CPSF3: variants seen among roughly 807,000 people sequenced by gnomAD.
CPSF3 encodes the protein cleavage and polyadenylation specificity factor subunit 3.
In CPSF3, 57 loss-of-function variants were observed where a neutral mutation model predicts 84.1. The ratio of observed to expected loss-of-function variants is 0.68; its 90% CI spans 0.55 to 0.85. The LOEUF is 0.85. Ranked by LOEUF, CPSF3 falls within the 40% of genes least tolerant of loss-of-function variation. The pLI is 0.00. For missense variants in CPSF3, 522 were observed against 838.8 expected (o/e 0.62, Z 4.66); for synonymous variants, 275 against 278.1 (o/e 0.99, Z 0.11).
chr2:9,446,438 G>A (rs898342591), intron 10 of CPSF3, among the ~76,000 whole-genome samples: 3 of 152,046 alleles, frequency 2.0e-5, no homozygotes, highest in Admixed American at 6.6e-5. Flanking sequence ...AAAATTAGAC[G>A]GGTGTGGTGG....
In CPSF3 at chr2:9,455,693, G is replaced by T; in HGVS notation, c.1539G>T (p.Gln513His). 6.2e-7 allele frequency: 1 copy of T among 1,614,128 alleles called. No individual in the cohort carries two copies. The highest frequency in any genetic ancestry group is 1.1e-5 in the South Asian group (1 of 91,062). Reference protein sequence around the residue: ...YTDLAMSTVKQTQAIPYTGPF... With the variant: ...YTDLAMSTVKHTQAIPYTGPF... ...ACCTGGCCATGAGCACGGTGAAGCA[G>T]ACCCAAGCCATTCCATATACTGGTC... is the stretch of plus-strand genomic sequence containing the variant. Residue 513 changes from glutamine to histidine, a missense_variant, in exon 13 of 18, where the codon CAG becomes CAT. Physicochemically the swap from Gln to His is conservative, Grantham distance 24. Transcript: ENST00000238112.
At chr2:9,427,344 A>G (rs1680429770) in intron 1 of CPSF3, among the ~76,000 whole-genome samples, 1 of 152,212 alleles carries the variant, frequency 6.6e-6, no homozygotes. Context: ...AAATTTACAA[A>G]TGGACTGTTT....
At chr2:9,453,539 C>T (rs1681405704) in intron 12 of CPSF3, among the ~76,000 whole-genome samples, 1 of 152,140 alleles carries the variant, frequency 6.6e-6, no homozygotes, top group South Asian at 2.1e-4. Context: ...ATAAGTAACA[C>T]CAACTATATA....
At chr2:9,425,305 C>A (rs1367056553) in intron 1 of CPSF3, among the ~76,000 whole-genome samples, 1 of 152,162 alleles carries the variant, frequency 6.6e-6, no homozygotes, top group African/African-American at 2.4e-5. Context: ...GGAGTTTGGA[C>A]CTTTATCAAG....
rs368651658 is a variant in CPSF3, at chr2:9,443,706, G to T, written c.1242+45G>T. On this transcript the variant is annotated intron_variant, in intron 10 of 17. Transcript: ENST00000238112. ...TTATTGTATTAAAGGGAAAAAAAGT[G>T]CATACCCAGGAAACTGTGCAGCAGG... The T allele has an allele frequency of 3.2e-5, 51 of 1,599,106 alleles. No individual in the cohort carries two copies. In the African/African-American group the frequency reaches 6.7e-4, roughly 21 times the overall value.
At chr2:9,434,877 TCTC>T (rs1272577221) in intron 6 of CPSF3, among the ~76,000 whole-genome samples, 1 of 152,158 alleles carries the variant, frequency 6.6e-6, no homozygotes, top group East Asian at 1.9e-4. Context: ...GTTGTCTGTT[TCTC>T]CTCCACCACC....
At chr2:9,444,513 A>G (rs1201735235) in intron 10 of CPSF3, among the ~76,000 whole-genome samples, 1 of 152,140 alleles carries the variant, frequency 6.6e-6, no homozygotes, top group Non-Finnish European at 1.5e-5. Context: ...TAAGCTGAAA[A>G]AAGTGTGTAT....
intron 12 of CPSF3, 90 bp from the exon 13 acceptor site, chr2:9,455,569 T>C: frequency 1.1e-6 from 1 of 911,224 alleles, no homozygotes; most frequent in South Asian, 1.5e-5. Context: ...CATGTTCACA[T>C]TTACTTGCTT....
chr2:9,472,252 A>G (rs1451445241), intron 17 of CPSF3, among the ~76,000 whole-genome samples: 2 of 151,216 alleles, frequency 1.3e-5, no homozygotes, highest in Non-Finnish European at 2.9e-5. Context: ...CCCAAGAGAC[A>G]GAGGTTGCAG....
In CPSF3 at chr2:9,440,732, C is replaced by G. The variant is rs1479359542; in HGVS notation, c.936+66C>G. On this transcript the variant is annotated intron_variant, in intron 8 of 17. Transcript: ENST00000238112. ...AATCAGTCATTAGTAGTAGGAGGTA[C>G]GAGGCCGTGAGTGATGGCTCACAGC... The G allele has an allele frequency of 3.7e-5, 56 of 1,516,824 alleles. 1 individual carries two copies. Among genetic ancestry groups the G allele is most frequent in the Non-Finnish European group, 4.6e-5 (51 of 1,102,750 alleles). 94.0% of individuals were successfully genotyped at this position (1,516,824 alleles called of 1,614,324 possible).
At chr2:9,452,275 G>A (rs1389471784) in intron 11 of CPSF3, among the ~76,000 whole-genome samples, 1 of 150,132 alleles carries the variant, frequency 6.7e-6, no homozygotes, top group Non-Finnish European at 1.5e-5. Context: ...GTTGCAGTGA[G>A]CTGAGATTGT....
At chr2:9,434,481 A>G (rs1680710152) in intron 6 of CPSF3, among the ~76,000 whole-genome samples, 1 of 152,094 alleles carries the variant, frequency 6.6e-6, no homozygotes, top group South Asian at 2.1e-4. Context: ...GCCTCTGGGC[A>G]GGATCAGCAG....
intron 17 of CPSF3, among the ~76,000 whole-genome samples, chr2:9,471,944 TGCAGTGA>T (rs916564776): frequency 6.8e-6 from 1 of 147,438 alleles, no homozygotes; most frequent in African/African-American, 2.5e-5. Context: ...AGGCAGAGGT[TGCAGTGA>T]GCCAAGATCA....
Position 9,443,585 on chromosome 2 carries a change from A to G in CPSF3, c.1166A>G (p.Asp389Gly). The change falls in exon 10 of 18, where the codon GAT becomes GGT. Residue 389 changes from aspartate (D) to glycine (G), a missense_variant. Transcript: ENST00000238112. The stretch of plus-strand genomic sequence containing the variant: ...AAGTTACCACTGAAAATGTCTGTTG[A>G]TTACATTTCTTTCTCAGCTCACACG... ...GQKLPLKMSV[D>G]YISFSAHTDY... 1 of 1,614,120 alleles carries G rather than the reference A, an allele frequency of 6.2e-7. No homozygotes were observed. Among genetic ancestry groups the G allele is most frequent in the Non-Finnish European group, 8.5e-7 (1 of 1,179,986 alleles).
intron 2 of CPSF3, 51 bp from the exon 3 acceptor site, chr2:9,429,872 A>G (rs1558449112): frequency 7.0e-6 from 9 of 1,284,598 alleles, no homozygotes; most frequent in South Asian, 2.6e-5. Context: ...TGCCGAATGA[A>G]TTTTAATAAA....
chr2:9,466,240 G>T (rs572253490), intron 15 of CPSF3, among the ~76,000 whole-genome samples: 69 of 126,674 alleles, frequency 5.4e-4, no homozygotes, highest in African/African-American at 2.0e-3. Flanking sequence ...ACACGTGCGC[G>T]CACGCACGCG....
chr2:9,443,727 G>T, intron 10 of CPSF3, 66 bp downstream of exon 10: 1 of 1,557,298 alleles, frequency 6.4e-7, no homozygotes, highest in Non-Finnish European at 8.8e-7. Context: ...AAACTGTGCA[G>T]CAGGCAGTTC....
intron 4 of CPSF3, 56 bp from the exon 5 acceptor site, chr2:9,432,455 G>A (rs923288361): frequency 2.3e-6 from 3 of 1,288,906 alleles, no homozygotes; most frequent in Admixed American, 2.6e-5. Flanking sequence ...TGTGTTCAAA[G>A]GCTTTTTAAA....
Position 9,452,012 on chromosome 2 carries a change from G to A in CPSF3, c.1396-901G>A, listed in dbSNP as rs141341988. ...ATTATGGGCGTGAGCCACCATGCCC[G>A]GCCATAAATGAAACTTTTTAAAAAT... On this transcript the variant is annotated intron_variant, in intron 11 of 17. Coordinates refer to ENST00000238112, the MANE Select transcript of CPSF3 (RefSeq NM_016207.4). Among the ~76,000 whole-genome samples, 481 of 152,194 alleles carry A rather than the reference G, an allele frequency of 3.2e-3. 1 individual carries two copies. The highest frequency in any genetic ancestry group is 4.9e-3 in the Non-Finnish European group (331 of 68,014).
Sources: gnomAD v4.1 joint callset for allele counts (sites outside exome capture counted in the v4.1 genomes callset) on GRCh38, gnomAD v4.1.1 for gene constraint, MANE v1.5 for transcripts, NCBI Gene and HGNC (gene_info 2026-07-23, HGNC 2026-07-21) for gene names.